OPCML: variants seen among roughly 807,000 people sequenced by gnomAD.
OPCML encodes opioid-binding protein/cell adhesion molecule.
OPCML carries 13 observed loss-of-function variants against 37.8 expected under a neutral mutation model. That is an observed-to-expected ratio of 0.34 (90% CI 0.22 to 0.55). The LOEUF is 0.55. OPCML is among the 20% of genes least tolerant of loss of function. The pLI is 0.91. For missense variants in OPCML, 341 were observed against 435.6 expected (o/e 0.78, Z 1.93); for synonymous variants, 176 against 168.8 (o/e 1.04, Z -0.33).
chr11:133,120,492 T>A (rs1481258287), intron 1 of OPCML, among the ~76,000 whole-genome samples: 3 of 152,156 alleles, frequency 2.0e-5, no homozygotes, highest in African/African-American at 7.2e-5. Context: ...TTTTTATGAA[T>A]CAACTGATAG....
rs1939375207 is a variant in OPCML at position 133,211,878 on chromosome 11, A to G, written c.62-268868T>C. ...AACTCTTCAAGATAGGGAGTTAAAG[A>G]ATGCAAAGTTGAAGCCAAGACTGTC... On this transcript the variant is annotated intron_variant, in intron 1 of 7. Coordinates refer to ENST00000524381, the MANE Select transcript of OPCML (RefSeq NM_001012393.5). This position sits in a 1 kb window ranked among gnomAD's most constrained non-coding sequence, Gnocchi z 4.1. Among the ~76,000 whole-genome samples the G allele has an allele frequency of 6.6e-6, 1 of 152,232 alleles. No individual in the cohort carries two copies. Among genetic ancestry groups the G allele is most frequent in the South Asian group, 2.1e-4 (1 of 4,830 alleles).
chr11:132,524,773 A>G (rs959405947), intron 4 of OPCML, among the ~76,000 whole-genome samples: 2 of 152,190 alleles, frequency 1.3e-5, no homozygotes, highest in Non-Finnish European at 2.9e-5. Context: ...TACGCAGTCT[A>G]CAGAGTAGAA....
At chr11:132,439,948 A>C (rs1468487736) in intron 4 of OPCML, among the ~76,000 whole-genome samples, 1 of 152,194 alleles carries the variant, frequency 6.6e-6, no homozygotes, top group Non-Finnish European at 1.5e-5. Context: ...GACCTCAGCC[A>C]GATGCCTTAA....
chr11:132,555,184 G>C (rs1031440960), intron 3 of OPCML, among the ~76,000 whole-genome samples: 1 of 151,966 alleles, frequency 6.6e-6, no homozygotes, highest in African/African-American at 2.4e-5. Flanking sequence ...TTGATTAAGG[G>C]TGTATTCATC....
At chr11:132,860,115 G>T (rs373334736) in intron 2 of OPCML, 5 of 152,322 alleles carry the variant, frequency 3.3e-5, no homozygotes, top group African/African-American at 1.2e-4. Flanking sequence ...TGAATTTCGT[G>T]TATGCAAAGC....
rs372354024 is a variant in OPCML at position 133,076,416 on chromosome 11, C to T, written c.62-133406G>A. On this transcript the variant is annotated intron_variant, in intron 1 of 7. Coordinates refer to ENST00000524381, the MANE Select transcript of OPCML (RefSeq NM_001012393.5). ...TCTGCACTGGTTCACTCAGACCACC[C>T]ACTTCCACCTGCAAAGAAAAATGTC... Among the ~76,000 whole-genome samples, 9 of 152,162 alleles carry T rather than the reference C, an allele frequency of 5.9e-5. No individual in the cohort carries two copies. The East Asian group carries it at 7.7e-4, about 13-fold the overall frequency.
At chr11:132,454,916 T>C (rs2096077744) in intron 4 of OPCML, among the ~76,000 whole-genome samples, 1 of 152,212 alleles carries the variant, frequency 6.6e-6, no homozygotes, top group Non-Finnish European at 1.5e-5. Context: ...GCTCTGACCC[T>C]GGACTGAATA....
intron 1 of OPCML, among the ~76,000 whole-genome samples, chr11:133,508,918 A>G (rs940993943): frequency 3.6e-4 from 55 of 152,082 alleles, no homozygotes; most frequent in African/African-American, 1.2e-3. Context: ...TGTGCTTCCC[A>G]ACGTGCCACT....
intron 1 of OPCML, among the ~76,000 whole-genome samples, chr11:133,494,220 A>C (rs1042280110): frequency 6.6e-6 from 1 of 152,082 alleles, no homozygotes; most frequent in Admixed American, 6.5e-5. Context: ...GTCAGGAAAC[A>C]ACAGGTGCTG....
chr11:133,016,668 C>A lies in OPCML; in HGVS notation c.62-73658G>T, dbSNP rs552711176. Among the ~76,000 whole-genome samples the A allele has an allele frequency of 3.9e-5, 6 of 152,214 alleles. No individual in the cohort carries two copies. The East Asian group carries it at 1.2e-3, about 29-fold the overall frequency. On this transcript the variant is annotated intron_variant, in intron 1 of 7. Coordinates refer to ENST00000524381, the MANE Select transcript of OPCML (RefSeq NM_001012393.5). ...GTTAGGACGGGCATCTTTAGAAGAC[C>A]ATTTTAGAAACTTTGCCTGCCATAT... is the stretch of plus-strand genomic sequence containing the variant.
chr11:132,628,894 C>T (rs762117653), intron 3 of OPCML, among the ~76,000 whole-genome samples: 4 of 152,114 alleles, frequency 2.6e-5, no homozygotes, highest in Non-Finnish European at 5.9e-5. Flanking sequence ...GTGTTTACTT[C>T]CCCTTCCGCC....
At chr11:132,932,691 T>TTATATATATATATATATATATATTA (rs3077742) in intron 2 of OPCML, among the ~76,000 whole-genome samples, 2 of 143,662 alleles carry the variant, frequency 1.4e-5, no homozygotes, top group Admixed American at 7.1e-5. Context: ...TATATATATA[T>TTATATATATATATATATATATATTA]TATATATATA....
intron 1 of OPCML, among the ~76,000 whole-genome samples, chr11:133,257,183 C>T (rs907547466): frequency 1.3e-5 from 2 of 152,136 alleles, no homozygotes; most frequent in African/African-American, 4.8e-5. Flanking sequence ...CTGAAGTGGA[C>T]AAAACCAGGT....
intron 1 of OPCML, among the ~76,000 whole-genome samples, chr11:133,141,239 A>G (rs532206602): frequency 7.2e-5 from 11 of 151,972 alleles, no homozygotes; most frequent in South Asian, 6.2e-4. Context: ...GGGCTCTCGC[A>G]TGAGGCCTCA....
chr11:132,653,356 G>A (rs762966035), intron 3 of OPCML, among the ~76,000 whole-genome samples: 4 of 152,272 alleles, frequency 2.6e-5, no homozygotes, highest in Middle Eastern at 3.4e-3. Context: ...ACTGCTTAGC[G>A]GGGATGGGAG....
At chr11:132,423,698 C>A (rs1249092606) in intron 7 of OPCML, among the ~76,000 whole-genome samples, 1 of 152,212 alleles carries the variant, frequency 6.6e-6, no homozygotes, top group African/African-American at 2.4e-5. Context: ...TGCTTTTCTG[C>A]TTTAATATAA....
chr11:133,510,881 C>A (rs973544301), intron 1 of OPCML, among the ~76,000 whole-genome samples: 1 of 148,436 alleles, frequency 6.7e-6, no homozygotes, highest in Non-Finnish European at 1.5e-5. Flanking sequence ...GATATGCCAG[C>A]CACATACACA....
chr11:133,061,431 GCT>G (rs1948339304), intron 1 of OPCML, among the ~76,000 whole-genome samples: 1 of 152,168 alleles, frequency 6.6e-6, no homozygotes, highest in African/African-American at 2.4e-5. Flanking sequence ...TGGGGATGGG[GCT>G]GCAGGCATGG....
chr11:132,961,258 A>G (rs769871397), intron 1 of OPCML, among the ~76,000 whole-genome samples: 38 of 152,212 alleles, frequency 2.5e-4, no homozygotes, highest in African/African-American at 8.2e-4. Flanking sequence ...GATGTTTCTA[A>G]GCACATTGAT....
Sources: allele counts gnomAD v4.1 joint callset (sites outside exome capture counted in the v4.1 genomes callset), GRCh38; gene constraint gnomAD v4.1.1; non-coding constraint Gnocchi (gnomAD v3.1); transcripts MANE v1.5; gene names NCBI Gene and HGNC (gene_info 2026-07-23, HGNC 2026-07-21).